NUBP2: variants seen among roughly 807,000 people sequenced by gnomAD.
NUBP2 encodes the protein NUBP iron-sulfur cluster assembly factor 2, cytosolic.
NUBP2 carries 23 observed loss-of-function variants against 24.9 expected under a neutral mutation model. The observed-to-expected ratio is 0.92, with a 90% CI of 0.66 to 1.31. NUBP2 has a LOEUF of 1.31. Ranked by LOEUF, NUBP2 falls within the 50% of genes most tolerant of loss-of-function variation. The pLI, the probability that NUBP2 is intolerant of heterozygous loss-of-function variation, is 0.00. For synonymous variants in NUBP2, 186 were observed against 170.9 expected (o/e 1.09, Z -0.69); for missense variants, 403 against 386.5 (o/e 1.04, Z -0.36).
At position 1,786,594 on chromosome 16, in the gene NUBP2, G is replaced by A. The variant is rs1896978756; in HGVS notation, c.74G>A (p.Gly25Asp). The change falls in exon 2 of 7, where the codon GGC (glycine) becomes GAC (aspartate). Residue 25 changes from glycine to aspartate, a missense_variant. Gly to Asp is a moderately conservative substitution (Grantham distance 94, BLOSUM62 -1). Coordinates refer to ENST00000262302, the MANE Select transcript of NUBP2 (RefSeq NM_012225.4). ...ATCCTGGTCCTCTCAGGAAAGGGGG[G>A]CGTTGGGAAAAGCACCATCTCCACG... is the stretch of plus-strand genomic sequence containing the variant. The part of the protein sequence containing the change: ...HIILVLSGKG[G>D]VGKSTISTEL... 6.2e-7 allele frequency: 1 copy of A among 1,612,346 alleles called. No individual in the cohort carries two copies. The highest frequency in any genetic ancestry group is 8.5e-7 in the Non-Finnish European group (1 of 1,179,486).
At chr16:1,785,954 T>C in intron 1 of NUBP2, 1 of 1,245,266 alleles carries the variant, frequency 8.0e-7, no homozygotes, top group South Asian at 1.3e-5. Flanking sequence ...GCCCCTGCCG[T>C]GTGGCAGGGA....
intron 1 of NUBP2, chr16:1,785,596 G>C (rs1166791492): frequency 7.8e-7 from 1 of 1,278,488 alleles, no homozygotes; most frequent in African/African-American, 1.5e-5. Context: ...TATTGCCCCA[G>C]GGGTGACCGG....
chr16:1,788,251 A>G, intron 6 of NUBP2, 44 bp downstream of exon 6: 1 of 1,437,338 alleles, frequency 7.0e-7, no homozygotes, highest in Non-Finnish European at 9.1e-7. Context: ...CTCCCATTCC[A>G]TCTCTGCCCT....
chr16:1,787,782 C>CCCTGCGT lies in NUBP2; in HGVS notation c.443_449dup (p.Tyr151AlafsTer30). The CCCTGCGT allele has an allele frequency of 6.2e-7, 1 of 1,612,406 alleles. No individual in the cohort carries two copies. The highest frequency in any genetic ancestry group is 1.7e-4 in the Middle Eastern group (1 of 6,058). Reference sequence around the variant, plus strand: ...GATGAGCACATGGCCACCATAGAAGCCCTGCGTCCCTACCAGCCCCTGGGG... The same window carrying CCCTGCGT: ...GATGAGCACATGGCCACCATAGAAGCCCTGCGTCCTGCGTCCCTACCAGCCCCTGGGG... On this transcript the variant is annotated frameshift_variant, in exon 4 of 7. Coordinates refer to ENST00000262302, the MANE Select transcript of NUBP2 (RefSeq NM_012225.4). LOFTEE classifies it high-confidence loss of function.
intron 1 of NUBP2, chr16:1,783,636 AAC>A (rs1896825897): frequency 3.0e-6 from 1 of 336,790 alleles, no homozygotes; most frequent in Admixed American, 6.5e-5. Flanking sequence ...CCAAAAGGAA[AAC>A]ATTCCTCGGA....
rs1405788201 is a variant in NUBP2, at chr16:1,788,007, G to A, written c.556G>A (p.Gly186Arg). ...FCRKTGLRVM[G>R]IVENMSGFTC... ...TAGGAAGACGGGCTTGCGGGTGATG[G>A]GAATCGTGGAGAATATGAGCGGCTT... is the stretch of plus-strand genomic sequence containing the variant. Residue 186 changes from glycine (G) to arginine (R), a missense_variant, in exon 5 of 7, where the codon GGA (glycine) becomes AGA (arginine). Physicochemically the swap from Gly to Arg is moderately radical, Grantham distance 125. Transcript: ENST00000262302. The A allele has an allele frequency of 6.2e-7, 1 of 1,603,798 alleles. No homozygotes were observed. Among genetic ancestry groups the A allele is most frequent in the East Asian group, 2.2e-5 (1 of 44,808 alleles).
At chr16:1,785,232 C>G (rs1021784883) in intron 1 of NUBP2, 11 of 1,017,824 alleles carry the variant, frequency 1.1e-5, no homozygotes, top group African/African-American at 3.4e-5. Flanking sequence ...ACCCGGCAGG[C>G]TCATGCTGAC....
At chr16:1,785,094 C>T in intron 1 of NUBP2, 10 of 985,906 alleles carry the variant, frequency 1.0e-5, no homozygotes, top group Non-Finnish European at 1.2e-5. Context: ...ATTTGTCCAC[C>T]ACGTGGAATG....
rs577680852 is a variant in NUBP2 at position 1,788,477 on chromosome 16, A to G, written c.671-92A>G. The G allele has an allele frequency of 1.1e-4, 152 of 1,445,108 alleles. No homozygotes were observed. The African/African-American group carries it at 2.0e-3, about 19-fold the overall frequency. 89.5% of individuals were successfully genotyped at this position (1,445,108 alleles called of 1,614,324 possible). A position where few individuals can be genotyped will look rare whatever the true frequency, so the allele number is the denominator to read the frequency against. ...GTCTGGCAGCGCCTCAATCCCCTCT[A>G]AGGCCACGGGTGGTTCGGGTGCGTC... On this transcript the variant is annotated intron_variant, in intron 6 of 6. Transcript: ENST00000262302.
At position 1,788,724 on chromosome 16, in the gene NUBP2, C is replaced by T; in HGVS notation, c.*10C>T. 1.2e-6 allele frequency: 2 copies of T among 1,604,624 alleles called. No individual in the cohort carries two copies. Among genetic ancestry groups the T allele is most frequent in the African/African-American group, 1.3e-5 (1 of 74,898 alleles). ...CGCGTGCCTCCCCTGACTAAGGCCA[C>T]CTTGCAGCCGCTTTCCAGGGCCACC... On this transcript the variant is annotated 3_prime_UTR_variant, in exon 7 of 7. Transcript: ENST00000262302.
chr16:1,785,770 T>G, intron 1 of NUBP2: 2 of 1,289,074 alleles, frequency 1.6e-6, no homozygotes, highest in Non-Finnish European at 2.0e-6. Context: ...GAACGTGCCC[T>G]TGAGAGGCGG....
intron 1 of NUBP2, chr16:1,785,702 G>C: frequency 9.3e-6 from 12 of 1,289,110 alleles, no homozygotes; most frequent in Non-Finnish European, 1.1e-5. Flanking sequence ...GCCTCTGTAG[G>C]TCTGAGGACC....
At chr16:1,785,360 T>C in intron 1 of NUBP2, 1 of 1,130,024 alleles carries the variant, frequency 8.8e-7, no homozygotes, top group African/African-American at 1.6e-5. Context: ...GCATTTACCA[T>C]GGTGCTCAGC....
At chr16:1,787,343 G>T in intron 3 of NUBP2, 1 of 440,936 alleles carries the variant, frequency 2.3e-6, no homozygotes, top group Non-Finnish European at 4.1e-6. Context: ...CACCAGTGGG[G>T]CATCCACCAC....
intron 3 of NUBP2, 107 bp from the exon 4 acceptor site, chr16:1,787,570 C>T: frequency 1.4e-6 from 2 of 1,438,010 alleles, no homozygotes; most frequent in South Asian, 2.5e-5. Context: ...CAAGTGACAC[C>T]TGATGGACTG....
At chr16:1,786,449 G>A (rs186379620) in intron 1 of NUBP2, 88 bp from the exon 2 acceptor site, 51 of 1,147,920 alleles carry the variant, frequency 4.4e-5, no homozygotes, top group African/African-American at 2.2e-4. Context: ...CGCTCAGAAC[G>A]TGGGTGCAAG....
intron 1 of NUBP2, chr16:1,785,958 G>A: frequency 1.6e-6 from 2 of 1,240,256 alleles, no homozygotes; most frequent in South Asian, 2.7e-5. Flanking sequence ...CTGCCGTGTG[G>A]CAGGGACAGG....
Position 1,783,008 on chromosome 16 carries a change from T to G in NUBP2, c.-13T>G. 1 of 1,394,534 alleles carries G rather than the reference T, an allele frequency of 7.2e-7. No individual in the cohort carries two copies. The highest frequency in any genetic ancestry group is 9.3e-7 in the Non-Finnish European group (1 of 1,070,298). 86.4% of individuals were successfully genotyped at this position (1,394,534 alleles called of 1,614,324 possible). On this transcript the variant is annotated 5_prime_UTR_variant, in exon 1 of 7. Coordinates refer to ENST00000262302, the MANE Select transcript of NUBP2 (RefSeq NM_012225.4). ...TAAGCGGACTGCAGCCGCGAGCTCCTGGAGGCGGCGGGATGGAGGCGGCGG... is the reference window on the plus strand; with the variant it reads ...TAAGCGGACTGCAGCCGCGAGCTCCGGGAGGCGGCGGGATGGAGGCGGCGG...
intron 3 of NUBP2, 185 bp from the exon 4 acceptor site, chr16:1,787,492 C>A: frequency 1.3e-6 from 1 of 769,192 alleles, no homozygotes; most frequent in Non-Finnish European, 2.1e-6. Context: ...CTGTAATGGC[C>A]CCGGCCCCAT....
Sources: allele counts gnomAD v4.1 joint callset, GRCh38; gene constraint gnomAD v4.1.1; transcripts MANE v1.5; gene names NCBI Gene and HGNC (gene_info 2026-07-23, HGNC 2026-07-21).